The following AGA variants were observed in gnomAD, a reference collection of about 807,000 sequenced individuals.
The protein encoded by AGA is aspartylglucosaminidase.
AGA carries 31 observed loss-of-function variants against 40.1 expected under a neutral mutation model. The observed-to-expected ratio is 0.77, with a 90% CI of 0.58 to 1.04. The LOEUF (loss-of-function observed/expected upper bound fraction) is 1.04, where lower values mean the gene tolerates loss of function less well. Ranked by LOEUF, AGA falls within the 50% of genes least tolerant of loss-of-function variation. The pLI is 0.00. For missense variants in AGA, 445 were observed against 435.4 expected (o/e 1.02, Z -0.20); for synonymous variants, 148 against 144.0 (o/e 1.03, Z -0.20).
Position 177,437,474 on chromosome 4 carries a change from GT to G in AGA, c.552del (p.Pro185LeufsTer4). 1 of 1,613,382 alleles carries G rather than the reference GT, an allele frequency of 6.2e-7. No homozygotes were observed. Among genetic ancestry groups the G allele is most frequent in the Non-Finnish European group, 8.5e-7 (1 of 1,179,452 alleles). On this transcript the variant is annotated frameshift_variant, in exon 5 of 9. Coordinates refer to ENST00000264595, the MANE Select transcript of AGA (RefSeq NM_000027.4). LOFTEE classifies it high-confidence loss of function. ...DPSKYCGPYK[P>X]PGILKQDIPI... ...GGAATATCCTGCTTTAAGATACCAG[GT>G]GGTTTGTAGGGTCCGCAGTATTTTG...
intron 8 of AGA, among the ~76,000 whole-genome samples, chr4:177,432,035 T>G (rs550591942): frequency 6.6e-6 from 1 of 152,260 alleles, no homozygotes; most frequent in East Asian, 1.9e-4. Flanking sequence ...ACTGGCTGGT[T>G]TTTGTTGTTG....
rs35078952 is a variant in AGA at position 177,434,180 on chromosome 4, G to C, written c.806+202C>G. On this transcript the variant is annotated intron_variant, in intron 7 of 8. Transcript: ENST00000264595. ...AGCTAAATTTTTTGTATTTTTAGTA[G>C]AAACGGTCAGGAGTTCGAGACCATG... Among the ~76,000 whole-genome samples the C allele has an allele frequency of 0.26, 38,836 of 151,566 alleles. 5,665 individuals are homozygous for C. The highest frequency in any genetic ancestry group is 0.31 in the Non-Finnish European group (21,294 of 67,856).
intron 1 of AGA, 87 bp downstream of exon 1, chr4:177,442,162 T>G: frequency 6.3e-7 from 1 of 1,577,638 alleles, no homozygotes; most frequent in Non-Finnish European, 8.6e-7. Flanking sequence ...CCGTCCGCCC[T>G]GCCGGGTGAC....
chr4:177,434,589 T>C (rs1736747508), intron 6 of AGA, 100 bp from the exon 7 acceptor site: 2 of 962,920 alleles, frequency 2.1e-6, no homozygotes, highest in East Asian at 4.8e-5. Context: ...TAGCCTCTGA[T>C]ACCGTTTTAA....
rs1560947358 is a variant in AGA at position 177,435,508 on chromosome 4, T to C, written c.698+768A>G. On this transcript the variant is annotated intron_variant, in intron 6 of 8. Transcript: ENST00000264595. ...ATGTTCAAAATTGGTTTCCCTCATCTATAATCTATTTCCGCTTCCTATGTA... is the reference window on the plus strand; with the variant it reads ...ATGTTCAAAATTGGTTTCCCTCATCCATAATCTATTTCCGCTTCCTATGTA... Among the ~76,000 whole-genome samples, 4 of 152,326 alleles carry C rather than the reference T, an allele frequency of 2.6e-5. No homozygotes were observed. The South Asian group carries it at 6.2e-4, about 24-fold the overall frequency.
chr4:177,431,238 C>G lies in AGA; in HGVS notation c.*470G>C. ...GTTTTTAGGGAATATTAAGTAAAAC[C>G]AATAATCAGTGCTAAGACATGCATC... On this transcript the variant is annotated 3_prime_UTR_variant, in exon 9 of 9. Transcript: ENST00000264595. The G allele has an allele frequency of 4.5e-6, 2 of 441,188 alleles. No individual in the cohort carries two copies. Among genetic ancestry groups the G allele is most frequent in the Non-Finnish European group, 9.0e-6 (2 of 222,796 alleles). 27.3% of individuals were successfully genotyped at this position (441,188 alleles called of 1,614,324 possible).
chr4:177,436,388 A>T, intron 5 of AGA, 37 bp from the exon 6 acceptor site: 1 of 1,539,826 alleles, frequency 6.5e-7, no homozygotes, highest in Non-Finnish European at 9.0e-7. Context: ...GTAGGTGTAT[A>T]AAGTTTACCT....
chr4:177,434,201 C>A (rs1191489338), intron 7 of AGA, among the ~76,000 whole-genome samples, 181 bp downstream of exon 7: 1 of 151,942 alleles, frequency 6.6e-6, no homozygotes, highest in Admixed American at 6.6e-5. Flanking sequence ...GAGTTCGAGA[C>A]CATGTTGGCC....
chr4:177,437,251 A>G, intron 5 of AGA, 154 bp downstream of exon 5: 1 of 639,212 alleles, frequency 1.6e-6, no homozygotes, highest in Non-Finnish European at 2.8e-6. Context: ...AATTTTATAC[A>G]GATCCTAAGA....
intron 1 of AGA, among the ~76,000 whole-genome samples, chr4:177,441,278 C>T (rs1455200184): frequency 6.6e-6 from 1 of 152,136 alleles, no homozygotes; most frequent in African/African-American, 2.4e-5. Flanking sequence ...CTCATTATGG[C>T]TGGGAATATC....
At position 177,431,832 on chromosome 4, in the gene AGA, G is replaced by A. The variant is rs773662686; in HGVS notation, c.941-24C>T. 6 of 1,580,778 alleles carry A rather than the reference G, an allele frequency of 3.8e-6. No homozygotes were observed. In the Admixed American group the frequency reaches 8.4e-5, roughly 22 times the overall value. On this transcript the variant is annotated intron_variant, in intron 8 of 8. Transcript: ENST00000264595. ...ACCTGGGGCCAAAAATGAGAAAGAAGTTTGGTGAACTATAGGATGCACATA... is the reference window on the plus strand; with the variant it reads ...ACCTGGGGCCAAAAATGAGAAAGAAATTTGGTGAACTATAGGATGCACATA...
intron 7 of AGA, among the ~76,000 whole-genome samples, chr4:177,433,825 A>G (rs1437564316): frequency 6.6e-6 from 1 of 152,044 alleles, no homozygotes; most frequent in Non-Finnish European, 1.5e-5. Flanking sequence ...GATCATAAGT[A>G]TTCTCATCTG....
rs3749478 is a variant in AGA at position 177,431,251 on chromosome 4, T to C, written c.*457A>G. On this transcript the variant is annotated 3_prime_UTR_variant, in exon 9 of 9. Transcript: ENST00000264595. Reference sequence around the variant, plus strand: ...ATTAAGTAAAACCAATAATCAGTGCTAAGACATGCATCACTGTGACATAAT... The same window carrying C: ...ATTAAGTAAAACCAATAATCAGTGCCAAGACATGCATCACTGTGACATAAT... 576 of 440,408 alleles carry C rather than the reference T, an allele frequency of 1.3e-3. 8 individuals carry two copies. In the East Asian group the frequency reaches 0.033, roughly 25 times the overall value. 27.3% of individuals were successfully genotyped at this position (440,408 alleles called of 1,614,324 possible). A position where few individuals can be genotyped will look rare whatever the true frequency, so the allele number is the denominator to read the frequency against.
At chr4:177,436,017 G>C (rs1033605032) in intron 6 of AGA, among the ~76,000 whole-genome samples, 2 of 152,092 alleles carry the variant, frequency 1.3e-5, no homozygotes, top group Non-Finnish European at 2.9e-5. Context: ...ATGACTCAGG[G>C]CTGAGCTCCA....
chr4:177,433,374 G>A (rs773035063), intron 7 of AGA, 27 bp from the exon 8 acceptor site: 6 of 1,613,732 alleles, frequency 3.7e-6, no homozygotes, highest in Non-Finnish European at 5.1e-6. Context: ...TGAAACCTTA[G>A]TGTCTCAGAA....
chr4:177,437,416 T>C lies in AGA; in HGVS notation c.611A>G (p.His204Arg). Residue 204 changes from histidine (H) to arginine (R), a missense_variant, in exon 5 of 9, where the codon CAT becomes CGT. Physicochemically the swap from His to Arg is conservative, Grantham distance 29 (BLOSUM62 0). Coordinates refer to ENST00000264595, the MANE Select transcript of AGA (RefSeq NM_000027.4). Reference protein sequence around the residue: ...IHKETEDDRGHDTIGMVVIHK... With the variant: ...IHKETEDDRGRDTIGMVVIHK... ...AAAAGGCAAATTACCAATAGTGTCATGACCACGATCATCTTCTGTTTCTTT... is the reference window on the plus strand; with the variant it reads ...AAAAGGCAAATTACCAATAGTGTCACGACCACGATCATCTTCTGTTTCTTT... The C allele has an allele frequency of 1.2e-6, 2 of 1,610,324 alleles. No individual in the cohort carries two copies. Among genetic ancestry groups the C allele is most frequent in the Non-Finnish European group, 1.7e-6 (2 of 1,176,642 alleles).
intron 8 of AGA, among the ~76,000 whole-genome samples, chr4:177,432,636 C>T (rs1281190150): frequency 1.3e-5 from 2 of 152,078 alleles, no homozygotes; most frequent in African/African-American, 4.8e-5. Context: ...TGTATCTTCC[C>T]CATCTGAAAA....
chr4:177,437,859 T>C (rs1025407533), intron 4 of AGA, among the ~76,000 whole-genome samples: 1 of 152,194 alleles, frequency 6.6e-6, no homozygotes, highest in Non-Finnish European at 1.5e-5. Context: ...AGAAATTAGA[T>C]ACACACTGGA....
At position 177,441,003 on chromosome 4, in the gene AGA, ACAGGT is replaced by A. The variant is rs1736986328; in HGVS notation, c.128-582_128-578del. On this transcript the variant is annotated intron_variant, in intron 1 of 8. Transcript: ENST00000264595. ...ATTTTAAAGAAAAGTAAACAGAGCC[ACAGGT>A]CAGGCAGTTAGTTTAAGGTCACACA... 2.0e-5 allele frequency among the ~76,000 whole-genome samples: 3 copies of A among 152,324 alleles called. No individual in the cohort carries two copies. The South Asian group carries it at 6.2e-4, about 32-fold the overall frequency.
Sources: gnomAD v4.1 joint callset for allele counts (sites outside exome capture counted in the v4.1 genomes callset) on GRCh38, gnomAD v4.1.1 for gene constraint, MANE v1.5 for transcripts, NCBI Gene and HGNC (gene_info 2026-07-23, HGNC 2026-07-21) for gene names.